DDX42: variants seen among roughly 807,000 people sequenced by gnomAD.
DDX42 encodes ATP-dependent RNA helicase DDX42.
A neutral mutation model predicts 101.5 loss-of-function variants in DDX42; 22 were observed. That is an observed-to-expected ratio of 0.22 (90% CI 0.15 to 0.31). The LOEUF (loss-of-function observed/expected upper bound fraction) is 0.31, where lower values mean the gene tolerates loss of function less well. Among genes scored for constraint, DDX42 ranks in the 10% least tolerant of loss-of-function variants. The pLI, the probability that DDX42 is intolerant of heterozygous loss-of-function variation, is 1.00. For synonymous variants in DDX42, 402 were observed against 401.2 expected (o/e 1.00, Z -0.02); for missense variants, 849 against 1,199.9 (o/e 0.71, Z 4.32).
In DDX42 at chr17:63,817,997, A is replaced by C; in HGVS notation, c.2416A>C (p.Lys806Gln). The change falls in exon 18 of 18, where the codon AAA becomes CAA. Residue 806 changes from lysine (K) to glutamine (Q), a missense_variant. Transcript: ENST00000389924. ...AGAAGGGACTGGGGGCAGCAACGGGAAAAGAGAGAGATATACTGAGAACCG... is the reference window on the plus strand; with the variant it reads ...AGAAGGGACTGGGGGCAGCAACGGGCAAAGAGAGAGATATACTGAGAACCG... Reference protein sequence around the residue: ...SREGTGGSNGKRERYTENRGS... With the variant: ...SREGTGGSNGQRERYTENRGS... 1 of 1,614,118 alleles carries C rather than the reference A, an allele frequency of 6.2e-7. No individual in the cohort carries two copies. Among genetic ancestry groups the C allele is most frequent in the Non-Finnish European group, 8.5e-7 (1 of 1,180,028 alleles).
chr17:63,809,638 C>A lies in DDX42; in HGVS notation c.1231C>A (p.Arg411=), dbSNP rs200692919. The A allele has an allele frequency of 8.7e-6, 14 of 1,613,880 alleles. No individual in the cohort carries two copies. Among genetic ancestry groups the A allele is most frequent in the Non-Finnish European group, 9.3e-6 (11 of 1,179,924 alleles). Residue 411 remains arginine, a synonymous_variant, in exon 11 of 18, where the codon CGA becomes AGA. Transcript: ENST00000389924. ...TTACCTTGTGTTTGATGAAGCAGAT[C>A]GAATGTTTGACATGGGATTTGGTAT... The part of the protein sequence containing the change: ...VSYLVFDEAD[R]MFDMGFEYQV...
chr17:63,786,989 A>G, intron 1 of DDX42, 45 bp from the exon 2 acceptor site: 4 of 1,603,506 alleles, frequency 2.5e-6, no homozygotes, highest in Non-Finnish European at 3.4e-6. Context: ...GGGGCTATAC[A>G]CTTTTTTAAG....
At position 63,818,320 on chromosome 17, in the gene DDX42, C is replaced by T. The variant is rs762242304; in HGVS notation, c.2739C>T (p.Asp913=). The T allele has an allele frequency of 3.7e-5, 60 of 1,613,972 alleles. No homozygotes were observed. The highest frequency in any genetic ancestry group is 1.6e-4 in the Middle Eastern group (1 of 6,084). The part of the protein sequence containing the change: ...KVDSSKMDKV[D]SKTDKTADGF... ...ACAGCAGCAAGATGGACAAGGTGGA[C>T]AGCAAGACAGATAAGACAGCTGACG... is the stretch of plus-strand genomic sequence containing the variant. The change falls in exon 18 of 18, where the codon GAC becomes GAT. Residue 913 remains aspartate, a synonymous_variant. Transcript: ENST00000389924.
chr17:63,803,764 C>T (rs2039803480), intron 6 of DDX42, among the ~76,000 whole-genome samples: 1 of 151,544 alleles, frequency 6.6e-6, no homozygotes, highest in Admixed American at 6.6e-5. Flanking sequence ...ATTCTCCTGC[C>T]TCAGCCTCCC....
At chr17:63,812,315 G>A (rs181168612) in intron 14 of DDX42, 107 bp downstream of exon 14, 1 of 1,403,432 alleles carries the variant, frequency 7.1e-7, no homozygotes, top group Non-Finnish European at 9.5e-7. Context: ...AAGACTGTTG[G>A]CCTGGCTGGC....
At chr17:63,777,923 A>C (rs2039440266) in intron 1 of DDX42, among the ~76,000 whole-genome samples, 1 of 152,178 alleles carries the variant, frequency 6.6e-6, no homozygotes, top group Non-Finnish European at 1.5e-5. Context: ...TTTCCTGGAA[A>C]ACTGAGTACG....
At chr17:63,778,463 C>T (rs2039447284) in intron 1 of DDX42, among the ~76,000 whole-genome samples, 1 of 152,136 alleles carries the variant, frequency 6.6e-6, no homozygotes, top group Non-Finnish European at 1.5e-5. Flanking sequence ...CTTTTGCTAC[C>T]TGGAATTACA....
chr17:63,782,457 C>A (rs1047226785), intron 1 of DDX42, among the ~76,000 whole-genome samples: 2 of 152,108 alleles, frequency 1.3e-5, no homozygotes, highest in African/African-American at 4.8e-5. Context: ...CTCATAGATA[C>A]TGAACTCACC....
At chr17:63,779,641 G>A (rs2039462091) in intron 1 of DDX42, among the ~76,000 whole-genome samples, 1 of 151,968 alleles carries the variant, frequency 6.6e-6, no homozygotes, top group Non-Finnish European at 1.5e-5. Flanking sequence ...CTGAAATTCT[G>A]TACCCATTAA....
At chr17:63,798,226 C>T (rs1378372782) in intron 4 of DDX42, 127 bp downstream of exon 4, 1 of 772,266 alleles carries the variant, frequency 1.3e-6, no homozygotes, top group Non-Finnish European at 2.1e-6. Context: ...TGAAGTTATT[C>T]CTGTATCTTG....
chr17:63,799,405 A>C (rs571739389), intron 4 of DDX42, 184 bp from the exon 5 acceptor site: 2 of 481,036 alleles, frequency 4.2e-6, no homozygotes, highest in Non-Finnish European at 3.7e-6. Flanking sequence ...ACTGCAGATT[A>C]TAGAGTGCAG....
chr17:63,798,206 GTACTT>G (rs2039717124), intron 4 of DDX42, 107 bp downstream of exon 4: 2 of 957,398 alleles, frequency 2.1e-6, no homozygotes, highest in Admixed American at 4.6e-5. Context: ...GTACACTTGT[GTACTT>G]TACTTGAAGT....
chr17:63,816,814 C>A lies in DDX42; in HGVS notation c.2014-54C>A, dbSNP rs75428105. 1.3e-3 allele frequency: 1,905 copies of A among 1,449,678 alleles called. 29 individuals carry two copies. In the African/African-American group the frequency reaches 0.024, roughly 18 times the overall value. The allele number at this position is 1,449,678 out of a possible 1,614,324, so 89.8% of individuals were successfully genotyped here. On this transcript the variant is annotated intron_variant, in intron 16 of 17. Transcript: ENST00000389924. The stretch of plus-strand genomic sequence containing the variant: ...TTTCATAATGAGGCCTAGTCTATAG[C>A]AGTGAGCTTTCCTGCTTATTTTTTC...
intron 9 of DDX42, among the ~76,000 whole-genome samples, chr17:63,808,120 A>G (rs2144578638): frequency 6.6e-6 from 1 of 152,210 alleles, no homozygotes; most frequent in South Asian, 2.1e-4. Context: ...TGTGTTAAAT[A>G]TTTTCTATAT....
rs2039918524 is a variant in DDX42 at position 63,812,183 on chromosome 17, A to G, written c.1650A>G (p.Pro550=). The change falls in exon 14 of 18, where the codon CCA becomes CCG. Residue 550 remains proline (P), a synonymous_variant. Transcript: ENST00000389924. ...CAGACTTTAAGAAAAAGGACATCCC[A>G]GTCCTGGTGGCCACAGATGTTGCAG... ...VISDFKKKDI[P]VLVATDVAAR... The G allele has an allele frequency of 3.1e-6, 5 of 1,613,288 alleles. No individual in the cohort carries two copies. Among genetic ancestry groups the G allele is most frequent in the Non-Finnish European group, 4.2e-6 (5 of 1,179,422 alleles).
rs745507326 is a variant in DDX42, at chr17:63,812,226, CA to C, written c.1675+20del. The C allele has an allele frequency of 3.7e-6, 6 of 1,604,872 alleles. No homozygotes were observed. Among genetic ancestry groups the C allele is most frequent in the Non-Finnish European group, 4.3e-6 (5 of 1,175,020 alleles). ...TGTTGCAGGTAGAGTATGAATTTTT[CA>C]ACAACATTAAGTTCCTAGGCTATAA... On this transcript the variant is annotated intron_variant, in intron 14 of 17. Transcript: ENST00000389924.
intron 13 of DDX42, 128 bp downstream of exon 13, chr17:63,811,301 A>T: frequency 1.4e-6 from 1 of 707,260 alleles, no homozygotes; most frequent in Non-Finnish European, 2.2e-6. Context: ...CATGCTTGAG[A>T]TTGGGTATTT....
chr17:63,786,968 G>C (rs201400606), intron 1 of DDX42, 66 bp from the exon 2 acceptor site: 18 of 1,546,002 alleles, frequency 1.2e-5, no homozygotes, highest in Non-Finnish European at 1.6e-5. Flanking sequence ...GACCCACCGC[G>C]CCCGGCCCTT....
chr17:63,778,409 C>T (rs1191597254), intron 1 of DDX42, among the ~76,000 whole-genome samples: 5 of 152,304 alleles, frequency 3.3e-5, no homozygotes, highest in Admixed American at 2.0e-4. Context: ...TGACTTAAGT[C>T]TGCAATAGCT....
Sources: gnomAD v4.1 joint callset for allele counts (sites outside exome capture counted in the v4.1 genomes callset) on GRCh38, gnomAD v4.1.1 for gene constraint, MANE v1.5 for transcripts, NCBI Gene and HGNC (gene_info 2026-07-23, HGNC 2026-07-21) for gene names.